VPS37A: variants seen among roughly 807,000 people sequenced by gnomAD.
VPS37A encodes vacuolar protein sorting-associated protein 37A.
In VPS37A, 30 loss-of-function variants were observed where a neutral mutation model predicts 49.8. That is an observed-to-expected ratio of 0.60 (90% CI 0.45 to 0.82). The LOEUF is 0.82. Among genes scored for constraint, VPS37A ranks in the 40% least tolerant of loss-of-function variants. The probability of loss-of-function intolerance (pLI) is 0.00; values close to 1 mark genes in which losing one functional copy is unlikely to be tolerated. For missense variants in VPS37A, 593 were observed against 464.4 expected (o/e 1.28, Z -2.55); for synonymous variants, 195 against 160.6 (o/e 1.21, Z -1.62).
intron 10 of VPS37A, 72 bp from the exon 11 acceptor site, chr8:17,286,275 A>C: frequency 8.3e-7 from 1 of 1,210,584 alleles, no homozygotes; most frequent in Non-Finnish European, 1.2e-6. Context: ...GCTTCCTGTC[A>C]TACTGTTGGA....
chr8:17,264,665 A>G (rs763678173), intron 1 of VPS37A, among the ~76,000 whole-genome samples: 1 of 152,222 alleles, frequency 6.6e-6, no homozygotes. Context: ...AAGAGGTTTT[A>G]TAAAGCTGTT....
In VPS37A at chr8:17,282,483, G is replaced by A. The variant is rs1586042625; in HGVS notation, c.970-1990G>A. Among the ~76,000 whole-genome samples the A allele has an allele frequency of 4.0e-5, 6 of 151,790 alleles. No individual in the cohort carries two copies. The South Asian group carries it at 1.0e-3, about 26-fold the overall frequency. ...AGATATGAGCATAAAGGAAAAACTC[G>A]ACATATTTACCTCTACAGATTGAAA... On this transcript the variant is annotated intron_variant, in intron 9 of 11. Coordinates refer to ENST00000324849, the MANE Select transcript of VPS37A (RefSeq NM_152415.3).
chr8:17,262,021 G>A (rs1264220174), intron 1 of VPS37A, among the ~76,000 whole-genome samples: 4 of 152,166 alleles, frequency 2.6e-5, no homozygotes, highest in Non-Finnish European at 5.9e-5. Flanking sequence ...AAAATGGTGG[G>A]AAAGCCGATT....
intron 11 of VPS37A, among the ~76,000 whole-genome samples, chr8:17,289,062 A>AT (rs1255099080): frequency 2.0e-5 from 3 of 151,260 alleles, no homozygotes; most frequent in African/African-American, 7.3e-5. Flanking sequence ...ATAGGGTTGT[A>AT]TTTTTCTTGT....
chr8:17,276,437 C>G lies in VPS37A; in HGVS notation c.683C>G (p.Pro228Arg), dbSNP rs771514802. Residue 228 changes from proline (P) to arginine (R), a missense_variant, in exon 6 of 12, where the codon CCT becomes CGT. Transcript: ENST00000324849. Reference sequence around the variant, plus strand: ...TTTGGGTACAAGATGCCAGATGTCCCTGATGCATTTCCAGAACTCTCAGAA... The same window carrying G: ...TTTGGGTACAAGATGCCAGATGTCCGTGATGCATTTCCAGAACTCTCAGAA... ...NGFGYKMPDV[P>R]DAFPELSELS... 24 of 1,612,598 alleles carry G rather than the reference C, an allele frequency of 1.5e-5. No individual in the cohort carries two copies. Among genetic ancestry groups the G allele is most frequent in the Non-Finnish European group, 2.0e-5 (23 of 1,179,332 alleles).
At chr8:17,271,423 G>A (rs571778530) in intron 4 of VPS37A, among the ~76,000 whole-genome samples, 1 of 152,250 alleles carries the variant, frequency 6.6e-6, no homozygotes, top group African/African-American at 2.4e-5. Context: ...GGCTAACACG[G>A]TGAAACCTCG....
intron 9 of VPS37A, among the ~76,000 whole-genome samples, chr8:17,281,480 G>A (rs1815048300): frequency 6.6e-6 from 1 of 151,882 alleles, no homozygotes; most frequent in African/African-American, 2.4e-5. Context: ...CAAACTCTTA[G>A]TAAACTAAAA....
intron 1 of VPS37A, among the ~76,000 whole-genome samples, chr8:17,254,659 C>G (rs1208313851): frequency 6.6e-6 from 1 of 151,542 alleles, no homozygotes; most frequent in Non-Finnish European, 1.5e-5. Flanking sequence ...TCACTCCTTT[C>G]TTACATGTAA....
At chr8:17,318,638 T>G in the VPS37A span, among the ~76,000 whole-genome samples, 2 of 152,186 alleles carry the variant, frequency 1.3e-5, no homozygotes, top group African/African-American at 4.8e-5. Context: ...CAGCCAGGTT[T>G]CCTGAGATTC....
chr8:17,314,631 A>G, the VPS37A span, among the ~76,000 whole-genome samples: 1 of 152,242 alleles, frequency 6.6e-6, no homozygotes, highest in African/African-American at 2.4e-5. Flanking sequence ...AAAAAGCACA[A>G]GTAGTTAAAT....
At chr8:17,271,601 G>A (rs888978875) in intron 4 of VPS37A, among the ~76,000 whole-genome samples, 9 of 151,072 alleles carry the variant, frequency 6.0e-5, no homozygotes, top group Admixed American at 2.6e-4. Flanking sequence ...GCAAGACTCC[G>A]TCTCAAAAAA....
chr8:17,265,716 C>A, intron 1 of VPS37A, 191 bp from the exon 2 acceptor site: 2 of 1,452,020 alleles, frequency 1.4e-6, no homozygotes, highest in Non-Finnish European at 1.9e-6. Flanking sequence ...TAGAATGTTA[C>A]TGTGTGCTTA....
chr8:17,268,887 T>C lies in VPS37A; in HGVS notation c.347T>C (p.Ile116Thr). ...ATGCACTCAGATCTTGGAAAAATTA[T>C]TCAGAGTCTGTTGGATGAGTTTTGG... is the stretch of plus-strand genomic sequence containing the variant. ...FTMHSDLGKIIQSLLDEFWKN... is the reference protein window; with the variant it reads ...FTMHSDLGKITQSLLDEFWKN... The change falls in exon 4 of 12, where the codon ATT becomes ACT. Residue 116 changes from isoleucine (I) to threonine (T), a missense_variant. By Grantham distance (89) the Ile-to-Thr change is moderately conservative. Coordinates refer to ENST00000324849, the MANE Select transcript of VPS37A (RefSeq NM_152415.3). 6.2e-7 allele frequency: 1 copy of C among 1,610,140 alleles called. No individual in the cohort carries two copies. Among genetic ancestry groups the C allele is most frequent in the South Asian group, 1.1e-5 (1 of 90,240 alleles).
the VPS37A span, among the ~76,000 whole-genome samples, chr8:17,319,483 A>C: frequency 6.6e-6 from 1 of 152,172 alleles, no homozygotes; most frequent in East Asian, 1.9e-4. Flanking sequence ...AAGACATCTC[A>C]AATGCAAGTC....
chr8:17,269,863 G>T (rs1306661024), intron 4 of VPS37A, among the ~76,000 whole-genome samples: 1 of 152,076 alleles, frequency 6.6e-6, no homozygotes, highest in Admixed American at 6.6e-5. Flanking sequence ...TTCTTGCATT[G>T]CTATAAAGGA....
rs1014396718 is a variant in VPS37A, at chr8:17,252,006, C to T, written c.125+4637C>T. On this transcript the variant is annotated intron_variant, in intron 1 of 11. Transcript: ENST00000324849. The stretch of plus-strand genomic sequence containing the variant: ...CTCTTGTTTCTATAGAATTCATTCT[C>T]AGCTCATGAGGACTCACACACAAAC... Among the ~76,000 whole-genome samples, 10 of 152,256 alleles carry T rather than the reference C, an allele frequency of 6.6e-5. 1 individual carries two copies. Among genetic ancestry groups the T allele is most frequent in the African/African-American group, 4.8e-5 (2 of 41,542 alleles).
chr8:17,272,173 C>T (rs779448202), intron 4 of VPS37A: 2 of 434,916 alleles, frequency 4.6e-6, no homozygotes, highest in Non-Finnish European at 9.2e-6. Flanking sequence ...CCAGGCTCCT[C>T]CTAACAGCCT....
the VPS37A span, among the ~76,000 whole-genome samples, chr8:17,326,855 T>G: frequency 6.6e-6 from 1 of 152,180 alleles, no homozygotes; most frequent in African/African-American, 2.4e-5. Context: ...TCCAGACTCC[T>G]GCCCTACAGA....
chr8:17,293,708 C>G (rs972749445), intron 11 of VPS37A, among the ~76,000 whole-genome samples: 1 of 152,150 alleles, frequency 6.6e-6, no homozygotes, highest in African/African-American at 2.4e-5. Flanking sequence ...TAACAAGCCC[C>G]TCTTCTGCAG....
Sources: allele counts gnomAD v4.1 joint callset (sites outside exome capture counted in the v4.1 genomes callset), GRCh38; gene constraint gnomAD v4.1.1; transcripts MANE v1.5; gene names NCBI Gene and HGNC (gene_info 2026-07-23, HGNC 2026-07-21).